Variants in MTOR observed in about 807,000 individuals in gnomAD.
MTOR encodes the protein mechanistic target of rapamycin kinase.
Under a neutral mutation model 319.8 loss-of-function variants are expected in MTOR, and 70 were observed. The ratio of observed to expected loss-of-function variants is 0.22; its 90% confidence interval spans 0.18 to 0.27. MTOR has a LOEUF of 0.27. MTOR is among the 10% of genes least tolerant of loss of function. The pLI, the probability that MTOR is intolerant of heterozygous loss-of-function variation, is 1.00. For missense variants in MTOR, 1,890 were observed against 3,274.4 expected, an observed-to-expected ratio of 0.58 and a Z score of 10.32; for synonymous variants, 1,183 against 1,211.4, an observed-to-expected ratio of 0.98 and a Z score of 0.49.
intron 1 of MTOR, among the ~76,000 whole-genome samples, chr1:11,261,762 T>A (rs888810069): frequency 1.3e-5 from 2 of 152,112 alleles, no homozygotes; most frequent in Non-Finnish European, 2.9e-5. Context: ...CTAAGAAAAC[T>A]ACTCCAGTTT....
chr1:11,122,193 A>C (rs1642565200), intron 47 of MTOR, 67 bp from the exon 48 acceptor site: 2 of 1,540,752 alleles, frequency 1.3e-6, no homozygotes, highest in Non-Finnish European at 1.8e-6. Flanking sequence ...AGCTCAGAAC[A>C]CAGGCAGACT....
Position 11,122,143 on chromosome 1 carries a change from A to G in MTOR, c.6663-17T>C. 1 of 1,614,146 alleles carries G rather than the reference A, an allele frequency of 6.2e-7. No individual in the cohort carries two copies. Among genetic ancestry groups the G allele is most frequent in the Non-Finnish European group, 8.5e-7 (1 of 1,179,996 alleles). On this transcript the variant is annotated splice_polypyrimidine_tract_variant and intron_variant, in intron 47 of 57. Transcript: ENST00000361445. Reference sequence around the variant, plus strand: ...CTCTGGATGCTGGCGCCCACAGAAAAGCAGGGTTAGTGTACCGTAAAGAGA... The same window carrying G: ...CTCTGGATGCTGGCGCCCACAGAAAGGCAGGGTTAGTGTACCGTAAAGAGA...
rs775663500 is a variant in MTOR at position 11,154,521 on chromosome 1, C to CTATA, written c.4469+2630_4469+2631insTATA. 1.5e-4 allele frequency among the ~76,000 whole-genome samples: 22 copies of CTATA among 148,498 alleles called. No homozygotes were observed. The East Asian group carries it at 2.4e-3, about 16-fold the overall frequency. On this transcript the variant is annotated intron_variant, in intron 30 of 57. Transcript: ENST00000361445. ...AATAATTGTGGAATATTATCTCTCT[C>CTATA]TCTATATATATATATATGATCCAAT...
chr1:11,143,409 TTATAG>T (rs913799197), intron 34 of MTOR, among the ~76,000 whole-genome samples: 66 of 152,338 alleles, frequency 4.3e-4, no homozygotes, highest in African/African-American at 1.5e-3. Flanking sequence ...AAACTCTTTA[TTATAG>T]GCATTTCAAA....
intron 3 of MTOR, among the ~76,000 whole-genome samples, chr1:11,257,380 CAA>C (rs1006118528): frequency 1.4e-4 from 5 of 36,784 alleles, no homozygotes; most frequent in Admixed American, 2.8e-4. Context: ...TACTAAGATA[CAA>C]AAAAAAAAAA....
At chr1:11,135,927 G>A (rs1214503170) in intron 36 of MTOR, among the ~76,000 whole-genome samples, 32 of 151,542 alleles carry the variant, frequency 2.1e-4, no homozygotes, top group Non-Finnish European at 2.9e-5. Context: ...CTGAGGTCAG[G>A]AGTTCGAGAC....
intron 49 of MTOR, among the ~76,000 whole-genome samples, chr1:11,120,050 TAA>T (rs551587736): frequency 4.0e-5 from 5 of 124,276 alleles, no homozygotes; most frequent in Middle Eastern, 4.3e-3. Context: ...ACTTTGTCTC[TAA>T]AAAAAAAAAA....
At position 11,127,261 on chromosome 1, in the gene MTOR, G is replaced by A; in HGVS notation, c.6217-117C>T. On this transcript the variant is annotated intron_variant, in intron 44 of 57. Transcript: ENST00000361445. This position sits in a 1 kb window ranked among gnomAD's most constrained non-coding sequence, Gnocchi z 5.5. ...GAGCCCGCTGTGGCCTGAAAACACT[G>A]GCAGGGGGCTGGAGAAAGCAAGAGC... 5 of 1,418,224 alleles carry A rather than the reference G, an allele frequency of 3.5e-6. No homozygotes were observed. In the South Asian group the frequency reaches 6.7e-5, roughly 19 times the overall value. The allele number at this position is 1,418,224 out of a possible 1,614,324, so 87.9% of individuals were successfully genotyped here. A position where few individuals can be genotyped will look rare whatever the true frequency, so the allele number is the denominator to read the frequency against.
At chr1:11,191,142 T>G (rs988975545) in intron 28 of MTOR, among the ~76,000 whole-genome samples, 1 of 152,214 alleles carries the variant, frequency 6.6e-6, no homozygotes, top group Non-Finnish European at 1.5e-5. Context: ...ACAGGAGGCT[T>G]TCTCACCATC....
chr1:11,196,669 A>T (rs188915130), intron 28 of MTOR, among the ~76,000 whole-genome samples: 1 of 152,254 alleles, frequency 6.6e-6, no homozygotes, highest in Admixed American at 6.5e-5. Flanking sequence ...CCTGGCCAAC[A>T]TGGTGAAACC....
chr1:11,146,220 C>T (rs1336907056), intron 32 of MTOR, among the ~76,000 whole-genome samples: 3 of 152,186 alleles, frequency 2.0e-5, no homozygotes, highest in Non-Finnish European at 4.4e-5. Flanking sequence ...GATGGGATTA[C>T]TTCATTATTT....
At position 11,212,591 on chromosome 1, in the gene MTOR, T is replaced by C; in HGVS notation, c.3399-117A>G. 2.3e-6 allele frequency: 3 copies of C among 1,295,422 alleles called. No homozygotes were observed. Among genetic ancestry groups the C allele is most frequent in the Non-Finnish European group, 2.1e-6 (2 of 938,660 alleles). The allele number at this position is 1,295,422 out of a possible 1,614,324, so 80.2% of individuals were successfully genotyped here. A position where few individuals can be genotyped will look rare whatever the true frequency, so the allele number is the denominator to read the frequency against. On this transcript the variant is annotated intron_variant, in intron 22 of 57. Coordinates refer to ENST00000361445, the MANE Select transcript of MTOR (RefSeq NM_004958.4). This position sits in a 1 kb window ranked among gnomAD's most constrained non-coding sequence, Gnocchi z 4.1. ...GGATGGGAATGAACGGCTTCTAAGG[T>C]ATTTTGGATGACATGGATCCAACAT...
At chr1:11,255,863 A>G in intron 5 of MTOR, 129 bp downstream of exon 5, 1 of 925,682 alleles carries the variant, frequency 1.1e-6, no homozygotes, top group Non-Finnish European at 1.6e-6. Context: ...AAAAAAAAAA[A>G]AATTCATTTG....
At chr1:11,201,387 A>G (rs987732472) in intron 26 of MTOR, among the ~76,000 whole-genome samples, 9 of 152,248 alleles carry the variant, frequency 5.9e-5, no homozygotes, top group Admixed American at 2.6e-4. Flanking sequence ...AAACTATTTT[A>G]AAGCATTAAA....
At position 11,121,921 on chromosome 1, in the gene MTOR, C is replaced by A. The variant is rs777147044; in HGVS notation, c.6810+58G>T. 6.3e-7 allele frequency: 1 copy of A among 1,595,258 alleles called. No individual in the cohort carries two copies. The highest frequency in any genetic ancestry group is 8.6e-7 in the Non-Finnish European group (1 of 1,168,486). The stretch of plus-strand genomic sequence containing the variant: ...ATACAGAGAGGAATGAGAAAAGCAG[C>A]GCTACGGAGATTCCCTGCCACGGAA... On this transcript the variant is annotated intron_variant, in intron 48 of 57. Coordinates refer to ENST00000361445, the MANE Select transcript of MTOR (RefSeq NM_004958.4). The surrounding 1 kb of genome is among the most constrained non-coding windows in gnomAD (Gnocchi z 4.9).
intron 11 of MTOR, among the ~76,000 whole-genome samples, chr1:11,239,537 CT>C (rs1469794376): frequency 6.7e-6 from 1 of 149,008 alleles, no homozygotes; most frequent in African/African-American, 2.6e-5. Context: ...ACTTCTCCCC[CT>C]GAAATATATC....
rs1569809199 is a variant in MTOR at position 11,249,798 on chromosome 1, A to G, written c.841-1704T>C. On this transcript the variant is annotated intron_variant, in intron 6 of 57. Transcript: ENST00000361445. ...TTTTTCTTAGTACAGAACAAAATGA[A>G]AAGTCTCCCATGTCTACCTCTTTCT... 5.9e-5 allele frequency among the ~76,000 whole-genome samples: 8 copies of G among 135,652 alleles called. No individual in the cohort carries two copies. In the South Asian group the frequency reaches 2.2e-3, roughly 37 times the overall value. The allele number at this position is 135,652 out of a possible 152,430, so 89.0% of individuals were successfully genotyped here. A position where few individuals can be genotyped will look rare whatever the true frequency, so the allele number is the denominator to read the frequency against.
chr1:11,158,835 T>A (rs1289226903), intron 29 of MTOR, among the ~76,000 whole-genome samples: 2 of 152,004 alleles, frequency 1.3e-5, no homozygotes, highest in African/African-American at 2.4e-5. Flanking sequence ...ATATTTTGAA[T>A]TGCAATAGAT....
intron 28 of MTOR, among the ~76,000 whole-genome samples, chr1:11,180,557 G>A (rs777818081): frequency 4.6e-5 from 7 of 152,284 alleles, no homozygotes; most frequent in Non-Finnish European, 1.0e-4. Flanking sequence ...AAGTCAGGGT[G>A]GAGATGTCTA....
Sources: gnomAD v4.1 joint callset for allele counts (sites outside exome capture counted in the v4.1 genomes callset) on GRCh38, gnomAD v4.1.1 for gene constraint, Gnocchi (gnomAD v3.1) non-coding constraint, MANE v1.5 for transcripts, NCBI Gene and HGNC (gene_info 2026-07-23, HGNC 2026-07-21) for gene names.